CLTCL1: variants seen among roughly 807,000 people sequenced by gnomAD.
The protein encoded by CLTCL1 is clathrin heavy chain like 1, also known as clathrin heavy chain 2.
Under a neutral mutation model 190.0 loss-of-function variants are expected in CLTCL1, and 159 were observed. The ratio of observed to expected loss-of-function variants is 0.84; its 90% CI spans 0.74 to 0.95. The LOEUF (loss-of-function observed/expected upper bound fraction) is 0.95. CLTCL1 is among the 40% of genes least tolerant of loss of function. The pLI is 0.00. For synonymous variants in CLTCL1, 752 were observed against 769.6 expected (o/e 0.98, Z 0.38); for missense variants, 1,878 against 2,033.4 (o/e 0.92, Z 1.47).
rs782510657 is a variant in CLTCL1, at chr22:19,183,536, C to T, written c.4681G>A (p.Gly1561Ser). 1 of 1,613,838 alleles carries T rather than the reference C, an allele frequency of 6.2e-7. No homozygotes were observed. The highest frequency in any genetic ancestry group is 8.5e-7 in the Non-Finnish European group (1 of 1,179,884). ...QKLLQWFLEE[G>S]KRECFAACLF... Reference sequence around the variant, plus strand: ...CAAGCTGCGAAGCACTCCCTCTTGCCTTCCTCCAGGAACCACTGCAGCAAC... The same window carrying T: ...CAAGCTGCGAAGCACTCCCTCTTGCTTTCCTCCAGGAACCACTGCAGCAAC... The change falls in exon 30 of 33, where the codon GGC (glycine) becomes AGC (serine). Residue 1561 changes from glycine to serine, a missense_variant. Gly to Ser is a moderately conservative substitution (Grantham distance 56). Coordinates refer to ENST00000427926, the MANE Select transcript of CLTCL1 (RefSeq NM_007098.4).
chr22:19,261,274 C>T (rs1358886279), intron 2 of CLTCL1, among the ~76,000 whole-genome samples: 2 of 152,030 alleles, frequency 1.3e-5, no homozygotes, highest in African/African-American at 4.8e-5. Context: ...CCATGCCCAG[C>T]TAATGTCTTG....
chr22:19,196,530 C>G lies in CLTCL1; in HGVS notation c.4000G>C (p.Glu1334Gln). Residue 1334 changes from glutamate (E) to glutamine (Q), a missense_variant, in exon 25 of 33, where the codon GAG becomes CAG. Coordinates refer to ENST00000427926, the MANE Select transcript of CLTCL1 (RefSeq NM_007098.4). ...YSKFKPQKML[E>Q]HLELFWSRVN... Reference sequence around the variant, plus strand: ...CGGGACCAGAAAAGCTCCAGATGCTCCAGCATCTTCTGTGGCTTGAATTTG... The same window carrying G: ...CGGGACCAGAAAAGCTCCAGATGCTGCAGCATCTTCTGTGGCTTGAATTTG... 6.2e-7 allele frequency: 1 copy of G among 1,614,080 alleles called. No individual in the cohort carries two copies. Among genetic ancestry groups the G allele is most frequent in the Non-Finnish European group, 8.5e-7 (1 of 1,179,900 alleles).
chr22:19,225,402 GA>G, intron 13 of CLTCL1, 50 bp downstream of exon 13: 1 of 1,490,018 alleles, frequency 6.7e-7, no homozygotes, highest in Non-Finnish European at 9.0e-7. Flanking sequence ...CAACACCTGA[GA>G]AAGGAGGTGT....
At chr22:19,273,242 T>C (rs937857915) in intron 2 of CLTCL1, among the ~76,000 whole-genome samples, 1 of 152,190 alleles carries the variant, frequency 6.6e-6, no homozygotes, top group South Asian at 2.1e-4. Context: ...CATCCTCCAC[T>C]TGTCAACGAT....
intron 23 of CLTCL1, 51 bp downstream of exon 23, chr22:19,201,278 A>AG: frequency 6.4e-7 from 1 of 1,552,660 alleles, no homozygotes; most frequent in Non-Finnish European, 8.7e-7. Flanking sequence ...AAGGACACGG[A>AG]GAGCGTGCCT....
In CLTCL1 at chr22:19,225,684, C is replaced by T. The variant is rs186838824; in HGVS notation, c.1948-51G>A. ...CAACGATGCACCACTCTAAAGATTG[C>T]TAACACTTGGAAAATAACTAGGTCA... On this transcript the variant is annotated intron_variant, in intron 12 of 32. Transcript: ENST00000427926. The T allele has an allele frequency of 7.6e-6, 11 of 1,448,878 alleles. No individual in the cohort carries two copies. The Admixed American group carries it at 9.1e-5, about 12-fold the overall frequency. The allele number at this position is 1,448,878 out of a possible 1,614,324, so 89.8% of individuals were successfully genotyped here. A position where few individuals can be genotyped will look rare whatever the true frequency, so the allele number is the denominator to read the frequency against.
At chr22:19,207,827 C>T (rs779534047) in intron 22 of CLTCL1, among the ~76,000 whole-genome samples, 36 of 151,932 alleles carry the variant, frequency 2.4e-4, no homozygotes, top group Non-Finnish European at 4.7e-4. Context: ...AAACCTAATG[C>T]CTGCTGATCT....
Position 19,199,794 on chromosome 22 carries a change from C to G in CLTCL1, c.3813G>C (p.Leu1271=). ...MDGQEFRFAQ[L]CGLHIVIHAD... is the part of the protein sequence containing the mutation. ...CATGAATGACGATGTGAAGACCACA[C>G]AGCTGTGCGAAGCGGAACTCTTGTC... Residue 1271 remains leucine (L), a synonymous_variant, in exon 24 of 33, where the codon CTG becomes CTC. Transcript: ENST00000427926. The G allele has an allele frequency of 6.3e-7, 1 of 1,599,454 alleles. No homozygotes were observed. Among genetic ancestry groups the G allele is most frequent in the East Asian group, 2.3e-5 (1 of 44,394 alleles).
intron 26 of CLTCL1, among the ~76,000 whole-genome samples, chr22:19,191,869 A>G (rs2084518067): frequency 6.6e-6 from 1 of 152,108 alleles, no homozygotes; most frequent in Non-Finnish European, 1.5e-5. Context: ...CTGTGACATC[A>G]CCAGAGCTTT....
At chr22:19,272,853 A>G (rs2087369091) in intron 2 of CLTCL1, among the ~76,000 whole-genome samples, 1 of 152,090 alleles carries the variant, frequency 6.6e-6, no homozygotes, top group Admixed American at 6.5e-5. Context: ...ATAATAGCTC[A>G]CTACAACTTC....
chr22:19,223,765 C>T, intron 14 of CLTCL1, 126 bp downstream of exon 14: 1 of 1,054,566 alleles, frequency 9.5e-7, no homozygotes, highest in Non-Finnish European at 1.4e-6. Context: ...GGAGCTCTGT[C>T]CCTGGGACTA....
rs1332653961 is a variant in CLTCL1, at chr22:19,253,434, G to A, written c.519+525C>T. On this transcript the variant is annotated intron_variant, in intron 3 of 32. Transcript: ENST00000427926. Reference sequence around the variant, plus strand: ...GGTCCCTCCCTGCCCTGGCTGGGACGCAGTGGGCAGGATGTCTAGCCCTCT... The same window carrying A: ...GGTCCCTCCCTGCCCTGGCTGGGACACAGTGGGCAGGATGTCTAGCCCTCT... Among the ~76,000 whole-genome samples, 4 of 152,308 alleles carry A rather than the reference G, an allele frequency of 2.6e-5. No individual in the cohort carries two copies. In the East Asian group the frequency reaches 5.8e-4, roughly 22 times the overall value.
chr22:19,212,615 G>GGAAA (rs1273468858), intron 19 of CLTCL1, among the ~76,000 whole-genome samples: 1 of 110,598 alleles, frequency 9.0e-6, no homozygotes, highest in African/African-American at 3.3e-5. Context: ...AAGGAAGGAA[G>GGAAA]GAAAGAAAGA....
chr22:19,201,702 C>T (rs1429420432), intron 22 of CLTCL1, among the ~76,000 whole-genome samples: 1 of 152,060 alleles, frequency 6.6e-6, no homozygotes, highest in Non-Finnish European at 1.5e-5. Flanking sequence ...TCTACCTGCC[C>T]GCTCCTATCT....
At position 19,215,508 on chromosome 22, in the gene CLTCL1, C is replaced by T. The variant is rs138655028; in HGVS notation, c.3065+603G>A. 2.1e-3 allele frequency among the ~76,000 whole-genome samples: 324 copies of T among 152,190 alleles called. 1 individual carries two copies. Among genetic ancestry groups the T allele is most frequent in the African/African-American group, 7.0e-3 (291 of 41,496 alleles). The stretch of plus-strand genomic sequence containing the variant: ...GCCCATGCAAAAGAAGCACGCGCTC[C>T]CACCTCTATAGTGCTGGTCCATGCC... On this transcript the variant is annotated intron_variant, in intron 19 of 32. Coordinates refer to ENST00000427926, the MANE Select transcript of CLTCL1 (RefSeq NM_007098.4).
At chr22:19,209,759 G>A (rs1034156514) in intron 20 of CLTCL1, among the ~76,000 whole-genome samples, 3 of 152,182 alleles carry the variant, frequency 2.0e-5, no homozygotes, top group Admixed American at 6.5e-5. Context: ...GATGTCCTGT[G>A]GTTTACAACT....
chr22:19,255,691 C>A, intron 2 of CLTCL1, among the ~76,000 whole-genome samples: 1 of 151,942 alleles, frequency 6.6e-6, no homozygotes, highest in Middle Eastern at 3.4e-3. Flanking sequence ...AGGTAGATTA[C>A]CGGAGGTCAG....
intron 3 of CLTCL1, among the ~76,000 whole-genome samples, chr22:19,247,430 T>G (rs782146061): frequency 6.6e-6 from 1 of 152,266 alleles, no homozygotes; most frequent in African/African-American, 2.4e-5. Context: ...TTTTTTAGTT[T>G]GTCAGTAAAG....
At chr22:19,248,648 G>A (rs2086494934) in intron 3 of CLTCL1, among the ~76,000 whole-genome samples, 1 of 152,152 alleles carries the variant, frequency 6.6e-6, no homozygotes, top group Non-Finnish European at 1.5e-5. Context: ...CAAATAAATG[G>A]AATCATATAG....
Sources: allele counts gnomAD v4.1 joint callset (sites outside exome capture counted in the v4.1 genomes callset), GRCh38; gene constraint gnomAD v4.1.1; transcripts MANE v1.5; gene names NCBI Gene and HGNC (gene_info 2026-07-23, HGNC 2026-07-21).